GLI2: variants seen among roughly 807,000 people sequenced by gnomAD.
The protein encoded by GLI2 is GLI family zinc finger 2, also known as transcription activator GLI2.
A neutral mutation model predicts 78.9 loss-of-function variants in GLI2; 22 were observed. That is an observed-to-expected ratio of 0.28 (90% CI 0.20 to 0.40). GLI2 has a LOEUF of 0.40. Among genes scored for constraint, GLI2 ranks in the 10% least tolerant of loss-of-function variants. The pLI is 1.00. For synonymous variants in GLI2, 974 were observed against 963.7 expected (o/e 1.01, Z -0.20); for missense variants, 2,097 against 2,213.2 (o/e 0.95, Z 1.05).
At chr2:120,922,289 G>A (rs977179661) in intron 2 of GLI2, among the ~76,000 whole-genome samples, 1 of 152,240 alleles carries the variant, frequency 6.6e-6, no homozygotes, top group Non-Finnish European at 1.5e-5. Flanking sequence ...CTCTGAGGGT[G>A]AGCGGAAGGG....
intron 1 of GLI2, among the ~76,000 whole-genome samples, chr2:120,784,518 A>T (rs1449971387): frequency 2.6e-5 from 4 of 151,146 alleles, no homozygotes. Context: ...GGGAGGGCAC[A>T]GGCCTTGGGG....
At chr2:120,834,314 G>A (rs1049917230) in intron 2 of GLI2, among the ~76,000 whole-genome samples, 1 of 152,198 alleles carries the variant, frequency 6.6e-6, no homozygotes, top group African/African-American at 2.4e-5. Flanking sequence ...GGTTTTTGTG[G>A]AAGGGCTGGC....
intron 2 of GLI2, among the ~76,000 whole-genome samples, chr2:120,919,051 C>T (rs928912413): frequency 1.3e-5 from 2 of 152,222 alleles, no homozygotes; most frequent in Admixed American, 6.5e-5. Flanking sequence ...CTTTCTTCTA[C>T]ACTAGCGCCT....
chr2:120,925,041 C>T (rs768771158), intron 2 of GLI2, among the ~76,000 whole-genome samples: 1 of 152,176 alleles, frequency 6.6e-6, no homozygotes, highest in South Asian at 2.1e-4. Flanking sequence ...GAGCTCTGAC[C>T]CTCAGGGTTC....
intron 2 of GLI2, among the ~76,000 whole-genome samples, chr2:120,875,597 A>G (rs1688697824): frequency 6.6e-6 from 1 of 152,252 alleles, no homozygotes; most frequent in South Asian, 2.1e-4. Context: ...TTTATGGAGC[A>G]CTAGTTGCAG....
At chr2:120,957,303 A>G (rs1681320946) in intron 5 of GLI2, among the ~76,000 whole-genome samples, 1 of 151,900 alleles carries the variant, frequency 6.6e-6, no homozygotes, top group South Asian at 2.1e-4. Context: ...CAGATGTTCA[A>G]CAACACCTGT....
Position 120,989,367 on chromosome 2 carries a change from C to G in GLI2, c.3402C>G (p.Ser1134=), listed in dbSNP as rs142922490. Residue 1134 remains serine, a synonymous_variant, in exon 14 of 14, where the codon TCC becomes TCG. Coordinates refer to ENST00000361492, the MANE Select transcript of GLI2 (RefSeq NM_001374353.1). ...NMPVQWNEVS[S]GTVDALASQV... Reference sequence around the variant, plus strand: ...CTGTGCAGTGGAATGAGGTGAGCTCCGGCACCGTAGACGCCCTGGCCAGCC... The same window carrying G: ...CTGTGCAGTGGAATGAGGTGAGCTCGGGCACCGTAGACGCCCTGGCCAGCC... 3 of 1,612,884 alleles carry G rather than the reference C, an allele frequency of 1.9e-6. No individual in the cohort carries two copies. The highest frequency in any genetic ancestry group is 1.7e-5 in the Admixed American group (1 of 60,012).
chr2:120,764,230 C>T (rs576603323), intron 1 of GLI2, among the ~76,000 whole-genome samples: 88 of 152,316 alleles, frequency 5.8e-4, no homozygotes, highest in African/African-American at 2.0e-3. Flanking sequence ...GTGGCGCAGC[C>T]GGAGGCTGCA....
intron 8 of GLI2, chr2:120,972,609 C>T (rs1333141935): frequency 3.9e-6 from 2 of 518,070 alleles, no homozygotes; most frequent in Non-Finnish European, 7.7e-6. Flanking sequence ...GCACTCTAAG[C>T]TTTGGAGAGG....
chr2:120,926,307 C>T (rs1679672867), intron 2 of GLI2, among the ~76,000 whole-genome samples: 1 of 152,070 alleles, frequency 6.6e-6, no homozygotes, highest in Non-Finnish European at 1.5e-5. Context: ...GAGGCCGAGG[C>T]AGATGGAGGT....
Position 120,926,268 on chromosome 2 carries a change from G to A in GLI2, c.149-1093G>A, listed in dbSNP as rs140853001. Among the ~76,000 whole-genome samples, 415 of 151,386 alleles carry A rather than the reference G, an allele frequency of 2.7e-3. 4 individuals carry two copies. The highest frequency in any genetic ancestry group is 0.016 in the East Asian group (84 of 5,126). On this transcript the variant is annotated intron_variant, in intron 2 of 13. Transcript: ENST00000361492. ...TTTTGGTTTTTTGAGGTGAAGTTTC[G>A]CTCTTTGCCTGTAATCCCAGCACTT...
intron 2 of GLI2, among the ~76,000 whole-genome samples, chr2:120,804,237 T>A (rs1175802959): frequency 6.6e-6 from 1 of 152,206 alleles, no homozygotes; most frequent in East Asian, 1.9e-4. Context: ...ATCTGTCCAA[T>A]ACCCCTCCAT....
At chr2:120,916,335 C>G (rs1383190714) in intron 2 of GLI2, among the ~76,000 whole-genome samples, 1 of 152,250 alleles carries the variant, frequency 6.6e-6, no homozygotes, top group Non-Finnish European at 1.5e-5. Context: ...ACACTTCACT[C>G]GGTTCAGTGC....
chr2:120,882,122 G>A lies in GLI2; in HGVS notation c.149-45239G>A, dbSNP rs574666950. On this transcript the variant is annotated intron_variant, in intron 2 of 13. Transcript: ENST00000361492. ...GAGTTGAACTTGGCTGTGAGTTTAC[G>A]TCTGGTCTCTGGACCCATGTGGCTG... Among the ~76,000 whole-genome samples the A allele has an allele frequency of 9.5e-4, 145 of 152,170 alleles. 1 individual carries two copies. The highest frequency in any genetic ancestry group is 1.2e-3 in the East Asian group (6 of 5,152).
chr2:120,983,090 A>G (rs1364691397), intron 11 of GLI2, among the ~76,000 whole-genome samples: 1 of 152,134 alleles, frequency 6.6e-6, no homozygotes, highest in African/African-American at 2.4e-5. Flanking sequence ...CCTCTAAAAG[A>G]TGCCCCGTGA....
chr2:120,844,828 C>G (rs1573468488), intron 2 of GLI2, among the ~76,000 whole-genome samples: 1 of 152,168 alleles, frequency 6.6e-6, no homozygotes, highest in South Asian at 2.1e-4. Context: ...ATCCTTATTG[C>G]TTTCTTGGCC....
intron 2 of GLI2, among the ~76,000 whole-genome samples, chr2:120,803,876 G>A (rs762660190): frequency 5.3e-5 from 8 of 152,232 alleles, no homozygotes; most frequent in African/African-American, 1.9e-4. Context: ...ATCCCTTGGA[G>A]TATTCAAGAG....
chr2:120,839,630 T>A (rs1686774457), intron 2 of GLI2, among the ~76,000 whole-genome samples: 1 of 152,210 alleles, frequency 6.6e-6, no homozygotes, highest in African/African-American at 2.4e-5. Flanking sequence ...TGACACGAAT[T>A]CAGCTCACTG....
Position 120,984,548 on chromosome 2 carries a change from G to T in GLI2, c.1710G>T (p.Thr570=), listed in dbSNP as rs61732852. 20 of 1,614,082 alleles carry T rather than the reference G, an allele frequency of 1.2e-5. No homozygotes were observed. Among genetic ancestry groups the T allele is most frequent in the Non-Finnish European group, 1.6e-5 (19 of 1,180,038 alleles). Residue 570 remains threonine, a synonymous_variant, in exon 12 of 14, where the codon ACG becomes ACT. Transcript: ENST00000361492. The part of the protein sequence containing the change: ...DPSSLRKHVK[T]VHGPDAHVTK... ...GCTCTCTCCGGAAGCATGTGAAAAC[G>T]GTCCACGGCCCAGATGCCCACGTCA...
Sources: gnomAD v4.1 joint callset for allele counts (sites outside exome capture counted in the v4.1 genomes callset) on GRCh38, gnomAD v4.1.1 for gene constraint, MANE v1.5 for transcripts, NCBI Gene and HGNC (gene_info 2026-07-23, HGNC 2026-07-21) for gene names.